Variants in LHCGR observed in about 807,000 individuals in gnomAD.
LHCGR encodes the protein luteinizing hormone/choriogonadotropin receptor, also known as lutropin-choriogonadotropic hormone receptor.
A neutral mutation model predicts 60.7 loss-of-function variants in LHCGR; 55 were observed. The ratio of observed to expected loss-of-function variants is 0.91; its 90% CI spans 0.73 to 1.13. The LOEUF (loss-of-function observed/expected upper bound fraction) is 1.13, where lower values mean the gene tolerates loss of function less well. Among genes scored for constraint, LHCGR ranks in the 50% most tolerant of loss-of-function variants. The pLI, the probability that LHCGR is intolerant of heterozygous loss-of-function variation, is 0.00. For synonymous variants in LHCGR, 337 were observed against 316.5 expected (o/e 1.06, Z -0.69); for missense variants, 862 against 836.0 (o/e 1.03, Z -0.38).
chr2:48,727,783 T>C (rs1450065627), intron 3 of LHCGR, among the ~76,000 whole-genome samples: 1 of 152,236 alleles, frequency 6.6e-6, no homozygotes, highest in African/African-American at 2.4e-5. Flanking sequence ...ATGGTGGACA[T>C]TTATATTTTA....
At chr2:48,689,499 A>T (rs1172666984) in intron 10 of LHCGR, among the ~76,000 whole-genome samples, 1 of 152,204 alleles carries the variant, frequency 6.6e-6, no homozygotes, top group African/African-American at 2.4e-5. Flanking sequence ...CCAACAGAGA[A>T]ATAGAAACCA....
intron 1 of LHCGR, among the ~76,000 whole-genome samples, chr2:48,752,190 T>C (rs982891377): frequency 6.6e-6 from 1 of 152,202 alleles, no homozygotes; most frequent in African/African-American, 2.4e-5. Flanking sequence ...GAGGAAAAAT[T>C]TGAACGATGC....
At chr2:48,736,749 A>G (rs988152526) in intron 1 of LHCGR, among the ~76,000 whole-genome samples, 2 of 152,198 alleles carry the variant, frequency 1.3e-5, no homozygotes, top group African/African-American at 4.8e-5. Flanking sequence ...AAATTTTAAA[A>G]AAATCTGGAA....
chr2:48,722,488 G>A (rs1668543001), intron 6 of LHCGR, among the ~76,000 whole-genome samples: 6 of 152,196 alleles, frequency 3.9e-5, no homozygotes, highest in Admixed American at 3.9e-4. Context: ...ACTGGATCAT[G>A]GGGGTGGTTT....
At chr2:48,748,897 C>T (rs1463083074) in intron 1 of LHCGR, among the ~76,000 whole-genome samples, 1 of 152,162 alleles carries the variant, frequency 6.6e-6, no homozygotes, top group Non-Finnish European at 1.5e-5. Context: ...CCCAGTTCTG[C>T]CCAGTCTGTC....
chr2:48,728,011 T>C (rs1668817450), intron 3 of LHCGR, among the ~76,000 whole-genome samples: 1 of 152,134 alleles, frequency 6.6e-6, no homozygotes, highest in Admixed American at 6.5e-5. Context: ...ACCCACAGTC[T>C]GCATGCCACA....
At chr2:48,745,819 A>G (rs1393830242) in intron 1 of LHCGR, among the ~76,000 whole-genome samples, 2 of 152,016 alleles carry the variant, frequency 1.3e-5, no homozygotes, top group Non-Finnish European at 2.9e-5. Context: ...CATGTTGTGC[A>G]CATGTACCCT....
chr2:48,754,901 C>T (rs1430144122), intron 1 of LHCGR, among the ~76,000 whole-genome samples: 1 of 152,006 alleles, frequency 6.6e-6, no homozygotes, highest in Non-Finnish European at 1.5e-5. Flanking sequence ...AGGTGGTGCG[C>T]GGGTGCCAGC....
rs557284419 is a variant in LHCGR at position 48,706,787 on chromosome 2, G to A, written c.680+2161C>T. Among the ~76,000 whole-genome samples, 8 of 152,112 alleles carry A rather than the reference G, an allele frequency of 5.3e-5. No homozygotes were observed. In the South Asian group the frequency reaches 8.3e-4, roughly 16 times the overall value. On this transcript the variant is annotated intron_variant, in intron 8 of 10. Coordinates refer to ENST00000294954, the MANE Select transcript of LHCGR (RefSeq NM_000233.4). ...CACTGATTTTTCTAGTTAGCCATTC[G>A]CCTAACCTTTTTTCATGGTTTTTTA...
chr2:48,745,638 T>C (rs1469603019), intron 1 of LHCGR, among the ~76,000 whole-genome samples: 5 of 138,698 alleles, frequency 3.6e-5, no homozygotes, highest in South Asian at 2.3e-4. Context: ...TAGGTGGGAA[T>C]TGAACAGTGA....
chr2:48,712,471 T>C (rs1668040191), intron 7 of LHCGR, among the ~76,000 whole-genome samples: 1 of 152,120 alleles, frequency 6.6e-6, no homozygotes, highest in Admixed American at 6.5e-5. Flanking sequence ...AGAAATCGAT[T>C]TAATTGGCCA....
At chr2:48,699,195 C>A (rs1157196751) in intron 8 of LHCGR, among the ~76,000 whole-genome samples, 1 of 152,158 alleles carries the variant, frequency 6.6e-6, no homozygotes, top group African/African-American at 2.4e-5. Flanking sequence ...TCTGAGGAAT[C>A]TTTTCTCCAT....
At chr2:48,706,802 A>G (rs964121390) in intron 8 of LHCGR, among the ~76,000 whole-genome samples, 2 of 151,700 alleles carry the variant, frequency 1.3e-5, no homozygotes, top group African/African-American at 4.8e-5. Context: ...ACCTTTTTTC[A>G]TGGTTTTTTA....
At chr2:48,705,337 G>A (rs555139593) in intron 8 of LHCGR, among the ~76,000 whole-genome samples, 2 of 152,272 alleles carry the variant, frequency 1.3e-5, no homozygotes, top group East Asian at 1.9e-4. Flanking sequence ...GAATAAATGC[G>A]ATATGGTGCT....
intron 1 of LHCGR, among the ~76,000 whole-genome samples, chr2:48,733,761 T>C (rs1284153177): frequency 3.3e-5 from 5 of 152,182 alleles, no homozygotes; most frequent in East Asian, 1.9e-4. Context: ...TACAGACTTA[T>C]ATGTTTTTTT....
chr2:48,751,652 AG>A (rs1661855312), intron 1 of LHCGR, among the ~76,000 whole-genome samples: 1 of 152,220 alleles, frequency 6.6e-6, no homozygotes. Context: ...TTACACTGCA[AG>A]TGAGAGGAAG....
intron 1 of LHCGR, among the ~76,000 whole-genome samples, chr2:48,752,981 C>CGGGGGGGGGGGGGGGGGGGG (rs60837194): frequency 3.0e-3 from 23 of 7,570 alleles, no homozygotes; most frequent in Non-Finnish European, 4.9e-3. Context: ...CGGATTTTGG[C>CGGGGGGGGGGGGGGGGGGGG]GGGGGGGGGG....
At position 48,687,082 on chromosome 2, in the gene LHCGR, A is replaced by G. The variant is rs1046365032; in HGVS notation, c.*615T>C. 5.9e-5 allele frequency: 9 copies of G among 152,598 alleles called. No homozygotes were observed. The Middle Eastern group carries it at 0.02, about 346-fold the overall frequency. 9.5% of individuals were successfully genotyped at this position (152,598 alleles called of 1,614,324 possible). On this transcript the variant is annotated 3_prime_UTR_variant, in exon 11 of 11. Transcript: ENST00000294954. The stretch of plus-strand genomic sequence containing the variant: ...AGATAGGGCATAGATAAAAGTCTCT[A>G]TAATAGAACAGATAGAACTTTCTGT...
At chr2:48,749,189 G>C (rs1309210412) in intron 1 of LHCGR, among the ~76,000 whole-genome samples, 1 of 152,242 alleles carries the variant, frequency 6.6e-6, no homozygotes, top group Non-Finnish European at 1.5e-5. Context: ...GCCACATAGA[G>C]AGCAGCTGTG....
Sources: gnomAD v4.1 joint callset for allele counts (sites outside exome capture counted in the v4.1 genomes callset) on GRCh38, gnomAD v4.1.1 for gene constraint, MANE v1.5 for transcripts, NCBI Gene and HGNC (gene_info 2026-07-23, HGNC 2026-07-21) for gene names.